Variants in CNTN5 observed in about 807,000 individuals in gnomAD.
CNTN5 encodes the protein contactin 5.
CNTN5 carries 77 observed loss-of-function variants against 129.1 expected under a neutral mutation model. The ratio of observed to expected loss-of-function variants is 0.60; its 90% CI spans 0.50 to 0.72. The LOEUF is 0.72. Among genes scored for constraint, CNTN5 ranks in the 30% least tolerant of loss-of-function variants. The pLI, the probability that CNTN5 is intolerant of heterozygous loss-of-function variation, is 0.00. For missense variants in CNTN5, 1,478 were observed against 1,328.8 expected, an observed-to-expected ratio of 1.11 and a Z score of -1.75; for synonymous variants, 509 against 465.6, an observed-to-expected ratio of 1.09 and a Z score of -1.20.
At position 99,883,836 on chromosome 11, in the gene CNTN5, C is replaced by G. The variant is rs147771318; in HGVS notation, c.578-32218C>G. Among the ~76,000 whole-genome samples, 6 of 152,250 alleles carry G rather than the reference C, an allele frequency of 3.9e-5. No individual in the cohort carries two copies. In the East Asian group the frequency reaches 1.2e-3, roughly 29 times the overall value. ...CATGTCCACACCCTTTTCAGACTCACTATATGTTAATCAAAAACAAAGCAA... is the reference window on the plus strand; with the variant it reads ...CATGTCCACACCCTTTTCAGACTCAGTATATGTTAATCAAAAACAAAGCAA... On this transcript the variant is annotated intron_variant, in intron 6 of 24. Coordinates refer to ENST00000524871, the MANE Select transcript of CNTN5 (RefSeq NM_014361.4).
intron 10 of CNTN5, among the ~76,000 whole-genome samples, chr11:100,065,179 G>C (rs539417981): frequency 6.6e-6 from 1 of 152,050 alleles, no homozygotes; most frequent in Admixed American, 6.6e-5. Flanking sequence ...GTGTAGAGTG[G>C]TATTATAGAT....
At chr11:99,050,939 T>C (rs1020717124) in intron 1 of CNTN5, among the ~76,000 whole-genome samples, 2 of 152,080 alleles carry the variant, frequency 1.3e-5, no homozygotes, top group African/African-American at 4.8e-5. Context: ...TATACATTAA[T>C]GTCCTACATA....
intron 3 of CNTN5, among the ~76,000 whole-genome samples, chr11:99,807,742 A>G (rs1287293646): frequency 3.9e-5 from 6 of 152,170 alleles, no homozygotes; most frequent in African/African-American, 1.2e-4. Context: ...GTTTTCTTCA[A>G]ACAAAACAAA....
chr11:100,045,251 G>A (rs1184561499), intron 9 of CNTN5, among the ~76,000 whole-genome samples: 1 of 152,032 alleles, frequency 6.6e-6, no homozygotes, highest in Admixed American at 6.6e-5. Flanking sequence ...GAAGTCAATG[G>A]ATATACCACA....
intron 23 of CNTN5, among the ~76,000 whole-genome samples, chr11:100,347,748 C>G (rs1250188271): frequency 6.6e-6 from 1 of 152,062 alleles, no homozygotes; most frequent in Non-Finnish European, 1.5e-5. Context: ...CCTTCCCATC[C>G]CATTGTCACC....
At chr11:100,046,458 C>T (rs1010574664) in intron 9 of CNTN5, among the ~76,000 whole-genome samples, 1 of 152,074 alleles carries the variant, frequency 6.6e-6, no homozygotes, top group Non-Finnish European at 1.5e-5. Flanking sequence ...TATATTTTAA[C>T]ATACATTCTT....
chr11:100,337,752 C>T, intron 21 of CNTN5: 1 of 393,304 alleles, frequency 2.5e-6, no homozygotes, highest in Non-Finnish European at 4.9e-6. Flanking sequence ...AAGGTCTCCA[C>T]CGACATCCTT....
rs61911652 is a variant in CNTN5, at chr11:99,918,340, A to G, written c.673+2191A>G. ...TTACTGTTAAACAATCCCAAAAACC[A>G]AAGCACACATACAAAACAAATGAAC... On this transcript the variant is annotated intron_variant, in intron 7 of 24. Coordinates refer to ENST00000524871, the MANE Select transcript of CNTN5 (RefSeq NM_014361.4). Among the ~76,000 whole-genome samples, 1,264 of 152,302 alleles carry G rather than the reference A, an allele frequency of 8.3e-3. 11 individuals are homozygous for G. Among genetic ancestry groups the G allele is most frequent in the Non-Finnish European group, 0.011 (721 of 68,026 alleles).
intron 16 of CNTN5, among the ~76,000 whole-genome samples, chr11:100,240,234 C>A (rs1949709897): frequency 6.6e-6 from 1 of 151,680 alleles, no homozygotes; most frequent in Admixed American, 6.6e-5. Context: ...GCCCCACACC[C>A]CCCGACCCCC....
At chr11:99,641,480 G>C (rs1474624961) in intron 3 of CNTN5, among the ~76,000 whole-genome samples, 2 of 152,168 alleles carry the variant, frequency 1.3e-5, no homozygotes, top group African/African-American at 4.8e-5. Flanking sequence ...TGAAGACAGA[G>C]GGATTTAAAG....
At chr11:99,612,480 C>T (rs1417547005) in intron 3 of CNTN5, among the ~76,000 whole-genome samples, 1 of 152,150 alleles carries the variant, frequency 6.6e-6, no homozygotes, top group East Asian at 1.9e-4. Context: ...ATGTAAAAAC[C>T]CTATTGAATT....
At chr11:99,502,123 G>A (rs1946447173) in intron 2 of CNTN5, among the ~76,000 whole-genome samples, 2 of 152,120 alleles carry the variant, frequency 1.3e-5, no homozygotes, top group Non-Finnish European at 1.5e-5. Flanking sequence ...TTCTGCAACA[G>A]ACAATTCAAT....
At chr11:99,982,508 G>C (rs1261111624) in intron 8 of CNTN5, among the ~76,000 whole-genome samples, 1 of 152,080 alleles carries the variant, frequency 6.6e-6, no homozygotes, top group Non-Finnish European at 1.5e-5. Context: ...GCAACACAGA[G>C]AAGAAATACT....
intron 2 of CNTN5, among the ~76,000 whole-genome samples, chr11:99,408,463 A>AAAGAAAGG (rs1942222997): frequency 7.5e-6 from 1 of 134,206 alleles, no homozygotes; most frequent in African/African-American, 2.8e-5. Context: ...AGAAAGAAAG[A>AAAGAAAGG]AAGAAAGAAA....
intron 1 of CNTN5, among the ~76,000 whole-genome samples, chr11:99,073,309 T>C (rs956193372): frequency 1.3e-5 from 2 of 151,814 alleles, no homozygotes; most frequent in Admixed American, 1.3e-4. Context: ...AGAGTTTGTC[T>C]CTTTGAATTA....
At chr11:99,296,044 C>G (rs1426162404) in intron 1 of CNTN5, among the ~76,000 whole-genome samples, 1 of 152,062 alleles carries the variant, frequency 6.6e-6, no homozygotes, top group Non-Finnish European at 1.5e-5. Flanking sequence ...TGAAAGTATA[C>G]CCTATAAGTG....
intron 2 of CNTN5, among the ~76,000 whole-genome samples, chr11:99,523,188 G>T (rs942879045): frequency 6.6e-6 from 1 of 152,104 alleles, no homozygotes; most frequent in African/African-American, 2.4e-5. Context: ...TTCGTCTGTT[G>T]ACACTCTTCC....
intron 3 of CNTN5, among the ~76,000 whole-genome samples, chr11:99,806,768 C>T (rs1334536788): frequency 6.7e-6 from 1 of 150,120 alleles, no homozygotes; most frequent in Non-Finnish European, 1.5e-5. Context: ...GATTGTGCTA[C>T]TGCATTCCAG....
At chr11:99,900,182 T>C (rs961355182) in intron 6 of CNTN5, among the ~76,000 whole-genome samples, 15 of 136,508 alleles carry the variant, frequency 1.1e-4, no homozygotes, top group African/African-American at 3.8e-4. Flanking sequence ...ATTAATTCTT[T>C]TTATCTTTTT....
Sources: gnomAD v4.1 joint callset for allele counts (sites outside exome capture counted in the v4.1 genomes callset) on GRCh38, gnomAD v4.1.1 for gene constraint, MANE v1.5 for transcripts, NCBI Gene and HGNC (gene_info 2026-07-23, HGNC 2026-07-21) for gene names.